Variants in PRDM8 observed in about 807,000 individuals in gnomAD.
PRDM8 encodes PR/SET domain 8, also known as PR domain zinc finger protein 8.
A neutral mutation model predicts 46.5 loss-of-function variants in PRDM8; 13 were observed. The observed-to-expected ratio is 0.28, with a 90% CI of 0.18 to 0.44. PRDM8 has a LOEUF of 0.44. Among genes scored for constraint, PRDM8 ranks in the 20% least tolerant of loss-of-function variants. The pLI, the probability that PRDM8 is intolerant of heterozygous loss-of-function variation, is 1.00. For missense variants in PRDM8, 998 were observed against 955.0 expected, an observed-to-expected ratio of 1.04 and a Z score of -0.59; for synonymous variants, 473 against 438.4, an observed-to-expected ratio of 1.08 and a Z score of -0.98.
rs111867732 is a variant in PRDM8, at chr4:80,203,683, A to G, written c.*151A>G. ...CCGCCCCCCCGCCCCCCCAACGCGC[A>G]CACACACGTCCTCTCCTCCCAGGAA... On this transcript the variant is annotated 3_prime_UTR_variant, in exon 4 of 4. Coordinates refer to ENST00000415738, the MANE Select transcript of PRDM8 (RefSeq NM_001099403.2). The G allele has an allele frequency of 3.5e-4, 442 of 1,251,794 alleles. 7 individuals are homozygous for G. The African/African-American group carries it at 6.5e-3, about 18-fold the overall frequency. 77.5% of individuals were successfully genotyped at this position (1,251,794 alleles called of 1,614,324 possible).
Position 80,202,738 on chromosome 4 carries a change from G to T in PRDM8, c.1276G>T (p.Ala426Ser). The stretch of plus-strand genomic sequence containing the variant: ...CGGCGGCGGCGGCTCCTCCACGCCC[G>T]CGGCCGCGTCACCGGTGGGCGCCGA... ...AGGGGGSSTP[A>S]AASPVGAEKL... The change falls in exon 4 of 4, where the codon GCG becomes TCG. Residue 426 changes from alanine (A) to serine (S), a missense_variant. Ala to Ser is a moderately conservative substitution (Grantham distance 99). Transcript: ENST00000415738. 9.3e-6 allele frequency: 12 copies of T among 1,294,254 alleles called. No individual in the cohort carries two copies. Among genetic ancestry groups the T allele is most frequent in the Non-Finnish European group, 1.2e-5 (12 of 1,026,620 alleles). 80.2% of individuals were successfully genotyped at this position (1,294,254 alleles called of 1,614,324 possible). A position where few individuals can be genotyped will look rare whatever the true frequency, so the allele number is the denominator to read the frequency against.
upstream of PRDM8, chr4:80,196,867 G>A (rs912603619): frequency 2.1e-5 from 20 of 967,266 alleles, no homozygotes; most frequent in Non-Finnish European, 2.2e-5. Flanking sequence ...GTCCCCTTCC[G>A]AGGTCTGGTG....
Position 80,201,607 on chromosome 4 carries a change from C to T in PRDM8, c.451+86C>T. ...GGCAGGGGCTCACCCGGCGCGTTGGCGCGCCTTTCTTCCCTTCGGGTGTCT... is the reference window on the plus strand; with the variant it reads ...GGCAGGGGCTCACCCGGCGCGTTGGTGCGCCTTTCTTCCCTTCGGGTGTCT... On this transcript the variant is annotated intron_variant, in intron 3 of 3. Coordinates refer to ENST00000415738, the MANE Select transcript of PRDM8 (RefSeq NM_001099403.2). 4 of 1,358,756 alleles carry T rather than the reference C, an allele frequency of 2.9e-6. No homozygotes were observed. In the South Asian group the frequency reaches 3.7e-5, roughly 13 times the overall value. The allele number at this position is 1,358,756 out of a possible 1,614,324, so 84.2% of individuals were successfully genotyped here.
chr4:80,202,717 G>A lies in PRDM8; in HGVS notation c.1255G>A (p.Gly419Ser), dbSNP rs1311467255. 31 of 1,318,906 alleles carry A rather than the reference G, an allele frequency of 2.4e-5. No individual in the cohort carries two copies. The highest frequency in any genetic ancestry group is 2.6e-5 in the Non-Finnish European group (27 of 1,040,080). The allele number at this position is 1,318,906 out of a possible 1,614,324, so 81.7% of individuals were successfully genotyped here. Residue 419 changes from glycine (G) to serine (S), a missense_variant, in exon 4 of 4, where the codon GGC becomes AGC. Transcript: ENST00000415738. ...VASEDQDAGG[G>S]GGSSTPAAAS... ...CTCCGAGGACCAGGACGCTGGCGGC[G>A]GCGGCGGCTCCTCCACGCCCGCGGC...
At position 80,202,386 on chromosome 4, in the gene PRDM8, C is replaced by A; in HGVS notation, c.924C>A (p.Gly308=). 6.3e-7 allele frequency: 1 copy of A among 1,582,016 alleles called. No homozygotes were observed. The highest frequency in any genetic ancestry group is 8.6e-7 in the Non-Finnish European group (1 of 1,164,404). Residue 308 remains glycine, a synonymous_variant, in exon 4 of 4, where the codon GGC becomes GGA. Transcript: ENST00000415738. ...TGAGTCCCGACGGCATCGCCACGGG[C>A]GGCGGCAAAGGAAAGAGGAAATTCC... The part of the protein sequence containing the change: ...AELSPDGIAT[G]GGKGKRKFPE...
Position 80,203,483 on chromosome 4 carries a change from C to G in PRDM8, c.2021C>G (p.Ser674Cys), listed in dbSNP as rs760371491. 17 of 1,613,354 alleles carry G rather than the reference C, an allele frequency of 1.1e-5. No individual in the cohort carries two copies. The South Asian group carries it at 1.7e-4, about 16-fold the overall frequency. The change falls in exon 4 of 4, where the codon TCC (serine) becomes TGC (cysteine). Residue 674 changes from serine (S) to cysteine (C), a missense_variant. Coordinates refer to ENST00000415738, the MANE Select transcript of PRDM8 (RefSeq NM_001099403.2). ...CTCAAGTGCCCCATCTGCAATGAGT[C>G]CTTCAGGGAGCGCCACCACCTCTCC... is the stretch of plus-strand genomic sequence containing the variant. ...EKLKCPICNE[S>C]FRERHHLSRH...
intron 2 of PRDM8, among the ~76,000 whole-genome samples, chr4:80,200,957 A>G (rs1738394924): frequency 6.6e-6 from 1 of 152,248 alleles, no homozygotes; most frequent in Non-Finnish European, 1.5e-5. Flanking sequence ...ATACCTTTGT[A>G]ATGTGGAATA....
At position 80,202,928 on chromosome 4, in the gene PRDM8, G is replaced by T. The variant is rs1379672825; in HGVS notation, c.1466G>T (p.Gly489Val). The change falls in exon 4 of 4, where the codon GGC becomes GTC. Residue 489 changes from glycine (G) to valine (V), a missense_variant. Gly to Val is a moderately radical substitution (Grantham distance 109). Transcript: ENST00000415738. ...GAGAAGGAGG[G>V]QGAASDERKS... ...GGGGCCGCAGGCGGCGCGGGCGGGGGCCAGGGCGCCGCGTCGGACGAGCGC... is the reference window on the plus strand; with the variant it reads ...GGGGCCGCAGGCGGCGCGGGCGGGGTCCAGGGCGCCGCGTCGGACGAGCGC... The T allele has an allele frequency of 1.4e-6, 2 of 1,438,670 alleles. No homozygotes were observed. The highest frequency in any genetic ancestry group is 1.8e-6 in the Non-Finnish European group (2 of 1,102,372). 89.1% of individuals were successfully genotyped at this position (1,438,670 alleles called of 1,614,324 possible). A position where few individuals can be genotyped will look rare whatever the true frequency, so the allele number is the denominator to read the frequency against.
At chr4:80,187,173 C>T (rs1737160625) in intron 1 of PRDM8, among the ~76,000 whole-genome samples, 1 of 149,708 alleles carries the variant, frequency 6.7e-6, no homozygotes, top group Non-Finnish European at 1.5e-5. Flanking sequence ...ACCTTTTAGT[C>T]AGGGTAGTGG....
chr4:80,198,469 T>C (rs557460141), intron 1 of PRDM8, among the ~76,000 whole-genome samples: 10 of 152,326 alleles, frequency 6.6e-5, no homozygotes, highest in Admixed American at 5.9e-4. Context: ...GTTTTTAAAA[T>C]GTATTTTAAT....
rs1488157526 is a variant in PRDM8 at position 80,201,426 on chromosome 4, G to T, written c.356G>T (p.Arg119Met). 11 of 1,614,254 alleles carry T rather than the reference G, an allele frequency of 6.8e-6. No individual in the cohort carries two copies. The highest frequency in any genetic ancestry group is 9.3e-6 in the Non-Finnish European group (11 of 1,180,046). The change falls in exon 3 of 4, where the codon AGG (arginine) becomes ATG (methionine). Residue 119 changes from arginine (R) to methionine (M), a missense_variant. Arg to Met is a moderately conservative substitution (Grantham distance 91). Coordinates refer to ENST00000415738, the MANE Select transcript of PRDM8 (RefSeq NM_001099403.2). ...CAGCTGTTCTACCGCTCTCTCCGCA[G>T]GATTGCCAAAGACGAGGAGTTACTA... ...NGQLFYRSLRRIAKDEELLVW... is the reference protein window; with the variant it reads ...NGQLFYRSLRMIAKDEELLVW...
intron 1 of PRDM8, chr4:80,185,632 C>T (rs762747430): frequency 6.6e-6 from 1 of 152,210 alleles, no homozygotes; most frequent in Non-Finnish European, 1.5e-5. Context: ...GGCTTAGGAC[C>T]CATGTGACTG....
rs1310441074 is a variant in PRDM8, at chr4:80,203,367, C to T, written c.1905C>T (p.Arg635=). The T allele has an allele frequency of 6.2e-7, 1 of 1,614,090 alleles. No homozygotes were observed. The highest frequency in any genetic ancestry group is 8.5e-7 in the Non-Finnish European group (1 of 1,180,014). ...GCGCCAAGTGCAATGCCTCCTTCCG[C>T]ATGACCTCCGACCTGGTGTACCATA... ...NWCAKCNASF[R]MTSDLVYHMR... The change falls in exon 4 of 4, where the codon CGC becomes CGT. Residue 635 remains arginine, a synonymous_variant. Coordinates refer to ENST00000415738, the MANE Select transcript of PRDM8 (RefSeq NM_001099403.2).
chr4:80,202,490 C>T lies in PRDM8; in HGVS notation c.1028C>T (p.Ala343Val), dbSNP rs1738582380. 1 of 1,541,650 alleles carries T rather than the reference C, an allele frequency of 6.5e-7. No homozygotes were observed. Among genetic ancestry groups the T allele is most frequent in the Non-Finnish European group, 8.7e-7 (1 of 1,146,602 alleles). ...CGCTTCGTAGAGCGGCCCCTCCCGG[C>T]CTCCAAGGAGGATCTGGTGTGCACA... is the stretch of plus-strand genomic sequence containing the variant. ...RGRFVERPLPASKEDLVCTPQ... is the reference protein window; with the variant it reads ...RGRFVERPLPVSKEDLVCTPQ... Residue 343 changes from alanine (A) to valine (V), a missense_variant, in exon 4 of 4, where the codon GCC (alanine) becomes GTC (valine). By Grantham distance (64) the Ala-to-Val change is moderately conservative. Coordinates refer to ENST00000415738, the MANE Select transcript of PRDM8 (RefSeq NM_001099403.2).
intron 1 of PRDM8, chr4:80,191,330 T>C (rs1036845794): frequency 5.9e-5 from 9 of 152,250 alleles, no homozygotes; most frequent in Non-Finnish European, 8.8e-5. Flanking sequence ...ATCTAGGTCA[T>C]TATATTCAAC....
At chr4:80,199,009 T>TTTTTTTTTTTTTG (rs1738214969) in intron 1 of PRDM8, among the ~76,000 whole-genome samples, 1 of 131,626 alleles carries the variant, frequency 7.6e-6, no homozygotes, top group Non-Finnish European at 1.6e-5. Context: ...TTTTTTTTTT[T>TTTTTTTTTTTTTG]TTTTTTTTTA....
intron 3 of PRDM8, 105 bp downstream of exon 3, chr4:80,201,626 G>A: frequency 3.4e-6 from 4 of 1,178,540 alleles, no homozygotes; most frequent in Non-Finnish European, 4.9e-6. Flanking sequence ...CTTCCCTTCG[G>A]GTGTCTCATA....
At chr4:80,196,962 G>A, upstream of PRDM8, 1 of 985,436 alleles carries the variant, frequency 1.0e-6, no homozygotes, top group Non-Finnish European at 1.2e-6. Flanking sequence ...GAATTTTGCA[G>A]GGGGAAGCTT....
At chr4:80,198,087 G>T (rs760835532) in intron 1 of PRDM8, among the ~76,000 whole-genome samples, 1 of 152,338 alleles carries the variant, frequency 6.6e-6, no homozygotes, top group South Asian at 2.1e-4. Flanking sequence ...AAGAACCTGG[G>T]CCTAGAGCGG....
Sources: gnomAD v4.1 joint callset for allele counts (sites outside exome capture counted in the v4.1 genomes callset) on GRCh38, gnomAD v4.1.1 for gene constraint, MANE v1.5 for transcripts, NCBI Gene and HGNC (gene_info 2026-07-23, HGNC 2026-07-21) for gene names.